DST: variants seen among roughly 807,000 people sequenced by gnomAD.
The protein encoded by DST is dystonin, also known as bullous pemphigoid antigen.
A neutral mutation model predicts 875.2 loss-of-function variants in DST; 253 were observed. The observed-to-expected ratio is 0.29, with a 90% CI of 0.26 to 0.32. DST has a LOEUF of 0.32. Ranked by LOEUF, DST falls within the 10% of genes least tolerant of loss-of-function variation. DST has a pLI of 1.00. For synonymous variants in DST, 3,124 were observed against 3,197.1 expected (o/e 0.98, Z 0.77); for missense variants, 8,287 against 9,111.6 (o/e 0.91, Z 3.68).
intron 2 of DST, among the ~76,000 whole-genome samples, chr6:56,947,923 C>CCCTATACATACTATGTTTTTT (rs1554277151): frequency 1.0e-4 from 15 of 150,552 alleles, no homozygotes; most frequent in African/African-American, 3.2e-4. Context: ...TAGTACTAAA[C>CCCTATACATACTATGTTTTTT]CCTATACATA....
chr6:56,500,175 A>G (rs1217620195), intron 80 of DST, among the ~76,000 whole-genome samples: 1 of 152,180 alleles, frequency 6.6e-6, no homozygotes, highest in East Asian at 1.9e-4. Flanking sequence ...ATCAATATGT[A>G]AAATAATCAA....
At chr6:56,666,821 G>A (rs191297634) in intron 10 of DST, among the ~76,000 whole-genome samples, 4 of 147,756 alleles carry the variant, frequency 2.7e-5, no homozygotes, top group South Asian at 4.3e-4. Flanking sequence ...CTGCAGCCTC[G>A]ACCTCCTGGA....
intron 4 of DST, chr6:56,742,302 G>C (rs1339604129): frequency 1.1e-5 from 14 of 1,289,600 alleles, no homozygotes; most frequent in African/African-American, 1.5e-5. Context: ...CCAGCTTTGC[G>C]TTCCAATCTT....
At chr6:56,713,702 G>A (rs2099385749) in intron 5 of DST, among the ~76,000 whole-genome samples, 1 of 152,148 alleles carries the variant, frequency 6.6e-6, no homozygotes, top group East Asian at 1.9e-4. Flanking sequence ...CCCTTTCAGA[G>A]CATTATTTCC....
intron 9 of DST, among the ~76,000 whole-genome samples, chr6:56,684,932 G>T (rs1216959732): frequency 6.6e-6 from 1 of 152,068 alleles, no homozygotes; most frequent in Non-Finnish European, 1.5e-5. Flanking sequence ...GGATGTCAGG[G>T]TCCATAAAAA....
At position 56,634,391 on chromosome 6, in the gene DST, T is replaced by C. The variant is rs6941626; in HGVS notation, c.3494+71A>G. 0.056 allele frequency: 90,653 copies of C among 1,607,672 alleles called. 5,709 individuals are homozygous for C. Among genetic ancestry groups the C allele is most frequent in the African/African-American group, 0.33 (24,339 of 74,708 alleles). ...TTGATCCTGTGGGGCCTTGACAAAG[T>C]ATTGATTGTTCCTTCAACCTTCAGA... On this transcript the variant is annotated intron_variant, in intron 26 of 103. Transcript: ENST00000680361.
intron 61 of DST, among the ~76,000 whole-genome samples, chr6:56,545,158 A>G (rs2097202286): frequency 6.6e-6 from 1 of 151,758 alleles, no homozygotes; most frequent in South Asian, 2.1e-4. Flanking sequence ...GCGCACCACT[A>G]CACCTGGCTA....
At chr6:56,478,918 T>C (rs1422162221) in intron 90 of DST, among the ~76,000 whole-genome samples, 1 of 151,882 alleles carries the variant, frequency 6.6e-6, no homozygotes, top group African/African-American at 2.4e-5. Flanking sequence ...TATAGACAAA[T>C]GGGACTTAAT....
intron 4 of DST, among the ~76,000 whole-genome samples, chr6:56,846,044 G>C (rs2099806851): frequency 6.6e-6 from 1 of 152,132 alleles, no homozygotes; most frequent in Non-Finnish European, 1.5e-5. Context: ...CTACAACCTT[G>C]GCAAAGTTTT....
At chr6:56,537,092 C>G (rs1384552027) in intron 61 of DST, among the ~76,000 whole-genome samples, 152 bp from the exon 62 acceptor site, 1 of 152,154 alleles carries the variant, frequency 6.6e-6, no homozygotes, top group Non-Finnish European at 1.5e-5. Flanking sequence ...GTCATAGCTA[C>G]CTTCTGAAGA....
chr6:56,786,327 C>G (rs2099705471), intron 4 of DST, among the ~76,000 whole-genome samples: 1 of 152,196 alleles, frequency 6.6e-6, no homozygotes, highest in Admixed American at 6.5e-5. Context: ...GTTCTATTAG[C>G]AGATAGTAAG....
chr6:56,590,617 GA>G (rs551058303), intron 49 of DST, among the ~76,000 whole-genome samples: 2 of 149,912 alleles, frequency 1.3e-5, no homozygotes, highest in African/African-American at 4.9e-5. Flanking sequence ...AAAGGAGAAA[GA>G]AAAAAAAACA....
chr6:56,935,737 C>T (rs932610610), intron 2 of DST, among the ~76,000 whole-genome samples: 1 of 152,040 alleles, frequency 6.6e-6, no homozygotes, highest in African/African-American at 2.4e-5. Flanking sequence ...ACCATCCTGG[C>T]CAACATGGTG....
intron 4 of DST, among the ~76,000 whole-genome samples, chr6:56,809,651 T>G (rs2099757460): frequency 6.6e-6 from 1 of 152,196 alleles, no homozygotes. Flanking sequence ...TCTCCCACCT[T>G]CCACATAGAT....
intron 2 of DST, among the ~76,000 whole-genome samples, chr6:56,936,891 A>T (rs2127774668): frequency 6.6e-6 from 1 of 152,356 alleles, no homozygotes; most frequent in South Asian, 2.1e-4. Flanking sequence ...GAATAGGCAC[A>T]TAAAAGTAAA....
At chr6:56,508,199 A>G (rs910966646) in intron 75 of DST, among the ~76,000 whole-genome samples, 52 of 152,092 alleles carry the variant, frequency 3.4e-4, no homozygotes, top group African/African-American at 1.2e-3. Flanking sequence ...ACGCTTAACT[A>G]ATTTTTGTAC....
intron 55 of DST, among the ~76,000 whole-genome samples, chr6:56,568,002 T>C (rs563649490): frequency 3.5e-4 from 54 of 152,242 alleles, no homozygotes; most frequent in African/African-American, 1.2e-3. Flanking sequence ...GGGAATGATG[T>C]ACAGAATAAA....
rs1407166521 is a variant in DST, at chr6:56,650,983, T to C, written c.1377A>G (p.Ser459=). ...PDEKSVITYV[S]SLYDAFPKVP... ...CTTTAGGAAATGCATCATAGAGAGATGACACGTAAGTTATTACTGATTTTT... is the reference window on the plus strand; with the variant it reads ...CTTTAGGAAATGCATCATAGAGAGACGACACGTAAGTTATTACTGATTTTT... Residue 459 remains serine (S), a synonymous_variant, in exon 12 of 104, where the codon TCA becomes TCG. Coordinates refer to ENST00000680361, the MANE Select transcript of DST (RefSeq NM_001374736.1). 1 of 1,613,532 alleles carries C rather than the reference T, an allele frequency of 6.2e-7. No homozygotes were observed. The highest frequency in any genetic ancestry group is 1.7e-5 in the Admixed American group (1 of 60,012).
At chr6:56,900,994 G>C (rs1793806853) in intron 2 of DST, among the ~76,000 whole-genome samples, 2 of 152,034 alleles carry the variant, frequency 1.3e-5, no homozygotes, top group African/African-American at 4.8e-5. Context: ...TAGGGAGCGG[G>C]ACAGGATATC....
Sources: gnomAD v4.1 joint callset for allele counts (sites outside exome capture counted in the v4.1 genomes callset) on GRCh38, gnomAD v4.1.1 for gene constraint, MANE v1.5 for transcripts, NCBI Gene and HGNC (gene_info 2026-07-23, HGNC 2026-07-21) for gene names.